DNAH5: variants seen among roughly 807,000 people sequenced by gnomAD.
DNAH5 encodes dynein axonemal heavy chain 5.
A neutral mutation model predicts 518.2 loss-of-function variants in DNAH5; 372 were observed. The ratio of observed to expected loss-of-function variants is 0.72; its 90% CI spans 0.66 to 0.78. DNAH5 has a LOEUF of 0.78. DNAH5 is among the 30% of genes least tolerant of loss of function. The pLI is 0.00. For missense variants in DNAH5, 5,523 were observed against 5,687.0 expected, an observed-to-expected ratio of 0.97 and a Z score of 0.93; for synonymous variants, 2,039 against 2,025.9, an observed-to-expected ratio of 1.01 and a Z score of -0.17.
intron 60 of DNAH5, 92 bp downstream of exon 60, chr5:13,762,630 G>A: frequency 1.8e-6 from 2 of 1,141,754 alleles, no homozygotes; most frequent in Middle Eastern, 3.9e-4. Context: ...AACACCAGAA[G>A]CCACAGGCAC....
intron 6 of DNAH5, 120 bp downstream of exon 6, chr5:13,920,357 ACCT>A (rs2151992292): frequency 1.5e-6 from 2 of 1,315,604 alleles, no homozygotes; most frequent in African/African-American, 1.4e-5. Flanking sequence ...TGGACCTCTC[ACCT>A]CCTCAAGGAT....
rs757970115 is a variant in DNAH5, at chr5:13,884,991, C to G, written c.2981G>C (p.Arg994Pro). 3.1e-6 allele frequency: 5 copies of G among 1,614,028 alleles called. No individual in the cohort carries two copies. In the South Asian group the frequency reaches 3.3e-5, roughly 11 times the overall value. Residue 994 changes from arginine (R) to proline (P), a missense_variant and splice_region_variant, in exon 19 of 79, where the codon CGG becomes CCG. Arg to Pro is a moderately radical substitution (Grantham distance 103). Coordinates refer to ENST00000265104, the MANE Select transcript of DNAH5 (RefSeq NM_001369.3). ...AGCAAACCACACAAGATTATTACCC[C>G]GGAAGTTAATTGTGTGAGAGGAATG... The part of the protein sequence containing the change: ...RIHSSHTINF[R>P]DSNSASNMKQ...
intron 70 of DNAH5, among the ~76,000 whole-genome samples, chr5:13,723,092 G>T (rs990805930): frequency 6.6e-6 from 1 of 152,154 alleles, no homozygotes; most frequent in Admixed American, 6.5e-5. Context: ...CAGTCCAGTT[G>T]AATTTGAGGC....
chr5:13,981,169 T>C (rs948143796), intron 1 of DNAH5, among the ~76,000 whole-genome samples: 6 of 152,232 alleles, frequency 3.9e-5, no homozygotes, highest in East Asian at 1.9e-4. Context: ...TGGTCTGTTG[T>C]GTCTGCGGCT....
intron 30 of DNAH5, among the ~76,000 whole-genome samples, chr5:13,851,569 C>T (rs927891064): frequency 7.2e-5 from 11 of 152,236 alleles, no homozygotes; most frequent in African/African-American, 2.6e-4. Context: ...CTCAGCCTCC[C>T]AAAGTGCTGG....
intron 47 of DNAH5, among the ~76,000 whole-genome samples, chr5:13,805,675 G>A (rs527239119): frequency 2.0e-5 from 3 of 152,174 alleles, no homozygotes; most frequent in African/African-American, 4.8e-5. Flanking sequence ...GTTTGCATTT[G>A]AGACCCTCCC....
chr5:13,713,476 GAT>G (rs1159103467), intron 75 of DNAH5, among the ~76,000 whole-genome samples: 15 of 66,218 alleles, frequency 2.3e-4, no homozygotes, highest in African/African-American at 4.2e-4. Flanking sequence ...TACACACACC[GAT>G]ATATATATAT....
At chr5:13,765,878 A>G in intron 59 of DNAH5, 98 bp downstream of exon 59, 1 of 1,207,300 alleles carries the variant, frequency 8.3e-7, no homozygotes, top group Non-Finnish European at 1.2e-6. Flanking sequence ...TCATGTATGT[A>G]GAGTAAGTTC....
intron 16 of DNAH5, among the ~76,000 whole-genome samples, chr5:13,892,265 T>C (rs1183699499): frequency 6.6e-6 from 1 of 152,214 alleles, no homozygotes; most frequent in Non-Finnish European, 1.5e-5. Context: ...TCTTCATCTT[T>C]AAGGACATCT....
At chr5:13,875,296 T>C (rs920479021) in intron 22 of DNAH5, among the ~76,000 whole-genome samples, 1 of 151,932 alleles carries the variant, frequency 6.6e-6, no homozygotes, top group Non-Finnish European at 1.5e-5. Context: ...GGTAAAACCC[T>C]GTCTCTACTA....
At position 13,718,908 on chromosome 5, in the gene DNAH5, C is replaced by T. The variant is rs376927687; in HGVS notation, c.12473G>A (p.Arg4158Gln). Residue 4158 changes from arginine (R) to glutamine (Q), a missense_variant, in exon 72 of 79, where the codon CGG becomes CAG. Physicochemically the swap from Arg to Gln is conservative, Grantham distance 43 (BLOSUM62 1). Transcript: ENST00000265104. ...KFANDPPQGL[R>Q]AGLKRTYSGV... ...ACTATATGTTCTTTTCAGTCCTGCCCGGAGTCCTTGTGGAGGATCGTTGGC... is the reference window on the plus strand; with the variant it reads ...ACTATATGTTCTTTTCAGTCCTGCCTGGAGTCCTTGTGGAGGATCGTTGGC... 22 of 1,613,780 alleles carry T rather than the reference C, an allele frequency of 1.4e-5. No individual in the cohort carries two copies. The highest frequency in any genetic ancestry group is 4.5e-5 in the East Asian group (2 of 44,884).
At chr5:13,802,678 C>T (rs565243675) in intron 47 of DNAH5, among the ~76,000 whole-genome samples, 18 of 152,254 alleles carry the variant, frequency 1.2e-4, no homozygotes, top group African/African-American at 2.4e-4. Context: ...GCTGAGGCGA[C>T]GGTGCATTGC....
intron 65 of DNAH5, among the ~76,000 whole-genome samples, chr5:13,739,453 A>T (rs189757737): frequency 3.8e-4 from 58 of 152,210 alleles, no homozygotes; most frequent in Admixed American, 9.2e-4. Flanking sequence ...AAGTTTCCTG[A>T]GGCCTCCCCA....
chr5:13,705,155 C>T (rs1242842530), intron 76 of DNAH5, among the ~76,000 whole-genome samples: 1 of 152,050 alleles, frequency 6.6e-6, no homozygotes, highest in Non-Finnish European at 1.5e-5. Context: ...CCACACCCAG[C>T]TAATTTTTTG....
chr5:13,876,859 C>A lies in DNAH5; in HGVS notation c.3263-42G>T, dbSNP rs745681398. On this transcript the variant is annotated intron_variant, in intron 21 of 78. Coordinates refer to ENST00000265104, the MANE Select transcript of DNAH5 (RefSeq NM_001369.3). ...AAGAGAAAACTTTACACTACTCACACAAGAATGTACTTTCAGGAGATGAGG... is the reference window on the plus strand; with the variant it reads ...AAGAGAAAACTTTACACTACTCACAAAAGAATGTACTTTCAGGAGATGAGG... 8 of 1,590,772 alleles carry A rather than the reference C, an allele frequency of 5.0e-6. No homozygotes were observed. In the East Asian group the frequency reaches 1.1e-4, roughly 22 times the overall value.
intron 58 of DNAH5, among the ~76,000 whole-genome samples, chr5:13,768,041 G>A (rs2126771149): frequency 6.6e-6 from 1 of 152,264 alleles, no homozygotes; most frequent in Middle Eastern, 3.4e-3. Context: ...TTAAGGTGTG[G>A]CCTAGTTCAC....
At chr5:13,834,417 C>T (rs1764096169) in intron 35 of DNAH5, among the ~76,000 whole-genome samples, 1 of 152,224 alleles carries the variant, frequency 6.6e-6, no homozygotes, top group Admixed American at 6.5e-5. Flanking sequence ...CCCTCCCACA[C>T]ATGCTACTTC....
chr5:13,902,537 A>G (rs534234074), intron 12 of DNAH5, among the ~76,000 whole-genome samples: 1 of 152,326 alleles, frequency 6.6e-6, no homozygotes, highest in South Asian at 2.1e-4. Context: ...AGCTGCAAAG[A>G]GGCTTGACAT....
rs188457443 is a variant in DNAH5, at chr5:13,926,976, A to C, written c.277+1118T>G. On this transcript the variant is annotated intron_variant, in intron 3 of 78. Transcript: ENST00000265104. ...AATGCCAGTTCGAATTTGCATGCATAATTTCTTCAGTTTTTAAACAAAGAA... is the reference window on the plus strand; with the variant it reads ...AATGCCAGTTCGAATTTGCATGCATCATTTCTTCAGTTTTTAAACAAAGAA... 3.9e-5 allele frequency among the ~76,000 whole-genome samples: 6 copies of C among 152,300 alleles called. No individual in the cohort carries two copies. The East Asian group carries it at 1.2e-3, about 29-fold the overall frequency.
Sources: allele counts gnomAD v4.1 joint callset (sites outside exome capture counted in the v4.1 genomes callset), GRCh38; gene constraint gnomAD v4.1.1; transcripts MANE v1.5; gene names NCBI Gene and HGNC (gene_info 2026-07-23, HGNC 2026-07-21).